CHST12: variants seen among roughly 807,000 people sequenced by gnomAD.
The protein encoded by CHST12 is carbohydrate sulfotransferase 12, also known as carbohydrate (chondroitin 4) sulfotransferase 12.
CHST12 carries 23 observed loss-of-function variants against 27.9 expected under a neutral mutation model. That is an observed-to-expected ratio of 0.82 (90% confidence interval 0.59 to 1.17). The LOEUF (loss-of-function observed/expected upper bound fraction) is 1.17, where lower values mean the gene tolerates loss of function less well. CHST12 is among the 50% of genes most tolerant of loss of function. CHST12 has a pLI of 0.00. For synonymous variants in CHST12, 322 were observed against 273.0 expected (o/e 1.18, Z -1.77); for missense variants, 682 against 603.0 (o/e 1.13, Z -1.37).
intron 1 of CHST12, among the ~76,000 whole-genome samples, chr7:2,426,910 G>A (rs1782137127): frequency 6.6e-6 from 1 of 152,108 alleles, no homozygotes; most frequent in Non-Finnish European, 1.5e-5. Context: ...AGAATCACTT[G>A]AACCTGGGAG....
intron 1 of CHST12, among the ~76,000 whole-genome samples, chr7:2,411,569 A>G (rs1289300464): frequency 7.8e-6 from 1 of 128,812 alleles, no homozygotes; most frequent in Admixed American, 1.0e-4. Context: ...ACTCACTGCA[A>G]CCTCCACCTC....
At chr7:2,427,297 A>G (rs964345796) in intron 1 of CHST12, among the ~76,000 whole-genome samples, 3 of 152,194 alleles carry the variant, frequency 2.0e-5, no homozygotes. Context: ...CCAGGAGTTC[A>G]AGACCAGCCG....
chr7:2,406,809 G>A (rs1781539012), intron 1 of CHST12, among the ~76,000 whole-genome samples: 1 of 152,128 alleles, frequency 6.6e-6, no homozygotes, highest in Non-Finnish European at 1.5e-5. Flanking sequence ...TTAAATATGA[G>A]CAGATAACCA....
intron 1 of CHST12, among the ~76,000 whole-genome samples, chr7:2,419,551 AC>A (rs1237678771): frequency 3.9e-5 from 6 of 151,998 alleles, no homozygotes; most frequent in African/African-American, 1.4e-4. Flanking sequence ...TACTAAAAAT[AC>A]AAAAATTAGC....
chr7:2,410,335 G>C (rs1010310601), intron 1 of CHST12, among the ~76,000 whole-genome samples: 1 of 152,114 alleles, frequency 6.6e-6, no homozygotes, highest in Non-Finnish European at 1.5e-5. Context: ...AAGACAGTGA[G>C]TGGATTAACT....
At chr7:2,428,914 AG>A (rs1782202064) in intron 1 of CHST12, among the ~76,000 whole-genome samples, 1 of 152,202 alleles carries the variant, frequency 6.6e-6, no homozygotes, top group Non-Finnish European at 1.5e-5. Flanking sequence ...AAAGAGGCCT[AG>A]AAGAGCCGTG....
Position 2,433,429 on chromosome 7 carries a change from G to C in CHST12, c.790G>C (p.Glu264Gln). ...CCGCAGCAAGTTCGAGCTGGAGAAC[G>C]AGGAGTTCTACCGCAAGTTCGCCGT... ...AFRSKFELEN[E>Q]EFYRKFAVPM... The change falls in exon 2 of 2, where the codon GAG (glutamate) becomes CAG (glutamine). Residue 264 changes from glutamate (E) to glutamine (Q), a missense_variant. Glu to Gln is a conservative substitution (Grantham distance 29). Transcript: ENST00000618655. The surrounding 1 kb of genome is among the most constrained non-coding windows in gnomAD (Gnocchi z 6.1). 1 of 1,609,736 alleles carries C rather than the reference G, an allele frequency of 6.2e-7. No individual in the cohort carries two copies. Among genetic ancestry groups the C allele is most frequent in the East Asian group, 2.2e-5 (1 of 44,866 alleles).
intron 1 of CHST12, among the ~76,000 whole-genome samples, chr7:2,410,773 G>A (rs902759444): frequency 3.9e-5 from 6 of 152,270 alleles, no homozygotes; most frequent in African/African-American, 1.4e-4. Context: ...TGTTGAGGCT[G>A]GAGAGGGTCG....
At position 2,433,695 on chromosome 7, in the gene CHST12, G is replaced by C; in HGVS notation, c.1056G>C (p.Leu352=). 6.2e-7 allele frequency: 1 copy of C among 1,613,426 alleles called. No individual in the cohort carries two copies. Residue 352 remains leucine (L), a synonymous_variant, in exon 2 of 2, where the codon CTG becomes CTC. Coordinates refer to ENST00000618655, the MANE Select transcript of CHST12 (RefSeq NM_018641.5). This position sits in a 1 kb window ranked among gnomAD's most constrained non-coding sequence, Gnocchi z 6.1. Reference sequence around the variant, plus strand: ...CTCTGGACGAGGACGCCGCGCAGCTGCTGCAGCTACTCCAGGTGGACCGGC... The same window carrying C: ...CTCTGGACGAGGACGCCGCGCAGCTCCTGCAGCTACTCCAGGTGGACCGGC... The part of the protein sequence containing the change: ...LETLDEDAAQ[L]LQLLQVDRQL...
chr7:2,415,496 C>G, intron 1 of CHST12, among the ~76,000 whole-genome samples: 1 of 152,138 alleles, frequency 6.6e-6, no homozygotes, highest in East Asian at 1.9e-4. Context: ...ATTATCTGAG[C>G]CTTCAGCGAG....
intron 1 of CHST12, among the ~76,000 whole-genome samples, chr7:2,408,859 G>A (rs576383455): frequency 2.2e-4 from 34 of 152,336 alleles, no homozygotes; most frequent in African/African-American, 7.5e-4. Context: ...AGGTGCTGGT[G>A]TGAAGAGCAG....
In CHST12 at chr7:2,433,921, C is replaced by T; in HGVS notation, c.*37C>T. ...TTGCTTTTTCTCGCGTGCCTGGAAC[C>T]TGACGCACGCGCACTCCAGTTTTTT... On this transcript the variant is annotated 3_prime_UTR_variant, in exon 2 of 2. Transcript: ENST00000618655. The surrounding 1 kb of genome is among the most constrained non-coding windows in gnomAD (Gnocchi z 6.1). The T allele has an allele frequency of 6.6e-7, 1 of 1,524,942 alleles. No individual in the cohort carries two copies. Among genetic ancestry groups the T allele is most frequent in the Non-Finnish European group, 8.8e-7 (1 of 1,134,336 alleles). 94.5% of individuals were successfully genotyped at this position (1,524,942 alleles called of 1,614,324 possible).
At chr7:2,403,785 C>G (rs941582174) in intron 1 of CHST12, 112 bp downstream of exon 1, 2 of 152,744 alleles carry the variant, frequency 1.3e-5, no homozygotes, top group South Asian at 3.6e-4. Flanking sequence ...GGGCGCGGGT[C>G]GGCTCTCCTT....
chr7:2,432,425 G>A, intron 1 of CHST12, 138 bp from the exon 2 acceptor site: 1 of 600,342 alleles, frequency 1.7e-6, no homozygotes, highest in Non-Finnish European at 2.9e-6. Flanking sequence ...TCAGCCTCCA[G>A]CCCCTCTGGA....
rs1782499765 is a variant in CHST12 at position 2,437,491 on chromosome 7, A to G, written c.*3607A>G. On this transcript the variant is annotated 3_prime_UTR_variant, in exon 2 of 2. Transcript: ENST00000618655. ...CATGCTTCTTCATTCGCTGATACTT[A>G]CAACCCCCAGTGGATATTTAGTGGA... is the stretch of plus-strand genomic sequence containing the variant. 1 of 152,178 alleles carries G rather than the reference A, an allele frequency of 6.6e-6. No homozygotes were observed. The highest frequency in any genetic ancestry group is 2.4e-5 in the African/African-American group (1 of 41,412). 9.4% of individuals were successfully genotyped at this position (152,178 alleles called of 1,614,324 possible).
At chr7:2,420,477 C>T (rs1171197419) in intron 1 of CHST12, among the ~76,000 whole-genome samples, 1 of 152,142 alleles carries the variant, frequency 6.6e-6, no homozygotes, top group East Asian at 1.9e-4. Context: ...ATGATGCTGA[C>T]ATCAGTGTGG....
chr7:2,429,013 A>G (rs1562518030), intron 1 of CHST12, among the ~76,000 whole-genome samples: 2 of 152,202 alleles, frequency 1.3e-5, no homozygotes, highest in South Asian at 4.1e-4. Context: ...CAAGGGTCGC[A>G]TTCCATTCCC....
chr7:2,430,415 A>G, intron 1 of CHST12, among the ~76,000 whole-genome samples: 1 of 152,182 alleles, frequency 6.6e-6, no homozygotes, highest in Non-Finnish European at 1.5e-5. Flanking sequence ...TCCTGGGTTC[A>G]AGCGATTCTC....
intron 1 of CHST12, among the ~76,000 whole-genome samples, chr7:2,427,941 C>T (rs969314002): frequency 4.0e-5 from 6 of 150,842 alleles, no homozygotes; most frequent in South Asian, 2.1e-4. Flanking sequence ...CTCAGCCTCC[C>T]GAGTAGCTGG....
Sources: allele counts gnomAD v4.1 joint callset (sites outside exome capture counted in the v4.1 genomes callset), GRCh38; gene constraint gnomAD v4.1.1; non-coding constraint Gnocchi (gnomAD v3.1); transcripts MANE v1.5; gene names NCBI Gene and HGNC (gene_info 2026-07-23, HGNC 2026-07-21).